The following DPYD variants were observed in gnomAD, a reference collection of about 807,000 sequenced individuals.
DPYD encodes the protein dihydropyrimidine dehydrogenase [NADP(+)].
A neutral mutation model predicts 116.2 loss-of-function variants in DPYD; 109 were observed. The ratio of observed to expected loss-of-function variants is 0.94; its 90% CI spans 0.80 to 1.10. The LOEUF (loss-of-function observed/expected upper bound fraction) is 1.10, where lower values mean the gene tolerates loss of function less well. DPYD is among the 50% of genes least tolerant of loss of function. The pLI is 0.00. For missense variants in DPYD, 1,302 were observed against 1,254.5 expected (o/e 1.04, Z -0.57); for synonymous variants, 440 against 432.0 (o/e 1.02, Z -0.23).
intron 13 of DPYD, among the ~76,000 whole-genome samples, chr1:97,491,971 G>A (rs1230150760): frequency 6.6e-6 from 1 of 152,036 alleles, no homozygotes; most frequent in African/African-American, 2.4e-5. Flanking sequence ...CATGTATTCT[G>A]CGGCAGGTTT....
At chr1:97,172,734 C>G (rs1050915806) in intron 20 of DPYD, among the ~76,000 whole-genome samples, 1 of 152,132 alleles carries the variant, frequency 6.6e-6, no homozygotes, top group Non-Finnish European at 1.5e-5. Flanking sequence ...AAGAATGAAG[C>G]CTGTGCCCTA....
intron 20 of DPYD, among the ~76,000 whole-genome samples, chr1:97,177,197 T>C (rs1401680164): frequency 2.0e-5 from 3 of 152,154 alleles, no homozygotes; most frequent in Admixed American, 1.3e-4. Flanking sequence ...TTTGCATCTA[T>C]AATGACCAGC....
intron 12 of DPYD, among the ~76,000 whole-genome samples, chr1:97,516,870 A>T (rs547691024): frequency 6.6e-6 from 1 of 152,158 alleles, no homozygotes; most frequent in East Asian, 1.9e-4. Context: ...GACAAATAAC[A>T]TTGGAAAATA....
At chr1:97,544,715 G>A (rs1029916111) in intron 12 of DPYD, among the ~76,000 whole-genome samples, 7 of 149,620 alleles carry the variant, frequency 4.7e-5, no homozygotes, top group Non-Finnish European at 8.9e-5. Context: ...ATGATATTGT[G>A]AAACACCACC....
At chr1:97,611,544 C>A (rs1361423222) in intron 8 of DPYD, among the ~76,000 whole-genome samples, 1 of 152,034 alleles carries the variant, frequency 6.6e-6, no homozygotes, top group Non-Finnish European at 1.5e-5. Flanking sequence ...CATGCAACTG[C>A]AATTTGAAAA....
intron 14 of DPYD, among the ~76,000 whole-genome samples, chr1:97,398,912 T>C (rs1184962182): frequency 6.6e-6 from 1 of 152,186 alleles, no homozygotes; most frequent in African/African-American, 2.4e-5. Context: ...TTCACTCTGA[T>C]GGTAGTTTCT....
intron 16 of DPYD, among the ~76,000 whole-genome samples, chr1:97,312,321 A>G (rs1368220836): frequency 6.6e-6 from 1 of 151,860 alleles, no homozygotes; most frequent in Non-Finnish European, 1.5e-5. Flanking sequence ...CTCAATAGGA[A>G]AGTAAATTAA....
chr1:97,481,219 G>A (rs1678278436), intron 13 of DPYD, among the ~76,000 whole-genome samples: 1 of 152,034 alleles, frequency 6.6e-6, no homozygotes, highest in South Asian at 2.1e-4. Flanking sequence ...ACATGTGAAC[G>A]AACCATGAGA....
At chr1:97,673,934 T>G (rs1367209845) in intron 8 of DPYD, among the ~76,000 whole-genome samples, 1 of 152,190 alleles carries the variant, frequency 6.6e-6, no homozygotes, top group East Asian at 1.9e-4. Flanking sequence ...CAGTTCAGAA[T>G]GGCTGAATCA....
chr1:97,821,977 C>G (rs148145065), intron 3 of DPYD, among the ~76,000 whole-genome samples: 2,984 of 151,914 alleles, frequency 0.02, 98 homozygotes, highest in African/African-American at 0.063. Context: ...GTTGGAGTCT[C>G]AAATCTGATT....
At chr1:97,310,208 C>T (rs1667420909) in intron 16 of DPYD, among the ~76,000 whole-genome samples, 1 of 151,746 alleles carries the variant, frequency 6.6e-6, no homozygotes, top group Admixed American at 6.6e-5. Flanking sequence ...CACTAAGCAA[C>T]TCTTAAGTCT....
intron 11 of DPYD, among the ~76,000 whole-genome samples, chr1:97,556,770 G>A (rs1470892425): frequency 4.4e-4 from 64 of 146,990 alleles, no homozygotes; most frequent in South Asian, 1.1e-3. Context: ...GGACATTTGG[G>A]TTGGTTCCAA....
At chr1:97,094,692 G>A (rs1379950772) in intron 21 of DPYD, among the ~76,000 whole-genome samples, 1 of 152,060 alleles carries the variant, frequency 6.6e-6, no homozygotes, top group African/African-American at 2.4e-5. Flanking sequence ...CCCAAGATAT[G>A]GTGACACAAG....
chr1:97,663,154 C>A (rs1002902240), intron 8 of DPYD, among the ~76,000 whole-genome samples: 4 of 152,154 alleles, frequency 2.6e-5, no homozygotes, highest in African/African-American at 4.8e-5. Flanking sequence ...ACCAAATCTA[C>A]CTCTCCTGCC....
At chr1:97,347,955 G>A (rs1669943248) in intron 16 of DPYD, among the ~76,000 whole-genome samples, 1 of 152,050 alleles carries the variant, frequency 6.6e-6, no homozygotes, top group Non-Finnish European at 1.5e-5. Context: ...CTTGTGTACT[G>A]AAAACCAATC....
chr1:97,331,568 C>T (rs1051246109), intron 16 of DPYD, among the ~76,000 whole-genome samples: 2 of 152,084 alleles, frequency 1.3e-5, no homozygotes, highest in Non-Finnish European at 2.9e-5. Flanking sequence ...TGTTTGCACT[C>T]ATGTTCATAT....
At chr1:97,799,544 C>T (rs1308390275) in intron 3 of DPYD, among the ~76,000 whole-genome samples, 2 of 151,870 alleles carry the variant, frequency 1.3e-5, no homozygotes, top group Non-Finnish European at 2.9e-5. Context: ...TCTATCATAA[C>T]CTGAAATAAA....
intron 20 of DPYD, among the ~76,000 whole-genome samples, chr1:97,166,225 A>G (rs1656315402): frequency 6.6e-6 from 1 of 152,246 alleles, no homozygotes; most frequent in African/African-American, 2.4e-5. Flanking sequence ...AAAATATGGT[A>G]CATATACACC....
chr1:97,636,525 C>G (rs1657570972), intron 8 of DPYD, among the ~76,000 whole-genome samples: 1 of 152,078 alleles, frequency 6.6e-6, no homozygotes, highest in Admixed American at 6.6e-5. Flanking sequence ...ATTTATGTTT[C>G]TTAGTGCCTG....
Sources: gnomAD v4.1 joint callset for allele counts (sites outside exome capture counted in the v4.1 genomes callset) on GRCh38, gnomAD v4.1.1 for gene constraint, MANE v1.5 for transcripts, NCBI Gene and HGNC (gene_info 2026-07-23, HGNC 2026-07-21) for gene names.